EGLN1: variants seen among roughly 807,000 people sequenced by gnomAD.
EGLN1 encodes the protein egl-9 family hypoxia inducible factor 1, also known as egl nine homolog 1.
EGLN1 carries 17 observed loss-of-function variants against 38.3 expected under a neutral mutation model. The observed-to-expected ratio is 0.44, with a 90% confidence interval of 0.30 to 0.67. The LOEUF (loss-of-function observed/expected upper bound fraction) is 0.67. EGLN1 is among the 30% of genes least tolerant of loss of function. The pLI, the probability that EGLN1 is intolerant of heterozygous loss-of-function variation, is 0.08. For missense variants in EGLN1, 477 were observed against 603.3 expected, an observed-to-expected ratio of 0.79 and a Z score of 2.19; for synonymous variants, 283 against 257.5, an observed-to-expected ratio of 1.10 and a Z score of -0.95.
chr1:231,372,421 T>C (rs1461243745), intron 2 of EGLN1, among the ~76,000 whole-genome samples: 1 of 152,156 alleles, frequency 6.6e-6, no homozygotes, highest in African/African-American at 2.4e-5. Context: ...TACACATTAA[T>C]GACCCTGACT....
intron 2 of EGLN1, among the ~76,000 whole-genome samples, chr1:231,372,981 C>T (rs1398332852): frequency 6.6e-6 from 1 of 152,062 alleles, no homozygotes. Flanking sequence ...ACTATACAAG[C>T]CACTTTTCTA....
intron 1 of EGLN1, among the ~76,000 whole-genome samples, chr1:231,396,194 C>T (rs1235381546): frequency 6.6e-6 from 1 of 151,766 alleles, no homozygotes; most frequent in Non-Finnish European, 1.5e-5. Flanking sequence ...CAATACACAT[C>T]CCCACCCCCT....
rs1481687872 is a variant in EGLN1, at chr1:231,393,343, G to GT, written c.892-19245dup. On this transcript the variant is annotated intron_variant, in intron 1 of 4. Transcript: ENST00000366641. Reference sequence around the variant, plus strand: ...TCTGAGAAGCTCTATAACACGTCAGGTATCAATCAAGAGCCAGAAGCTGGT... The same window carrying GT: ...TCTGAGAAGCTCTATAACACGTCAGGTTATCAATCAAGAGCCAGAAGCTGGT... 4.6e-5 allele frequency among the ~76,000 whole-genome samples: 7 copies of GT among 152,252 alleles called. No individual in the cohort carries two copies. In the East Asian group the frequency reaches 1.3e-3, roughly 29 times the overall value.
chr1:231,383,187 T>G (rs1688116622), intron 1 of EGLN1, among the ~76,000 whole-genome samples: 1 of 152,052 alleles, frequency 6.6e-6, no homozygotes, highest in East Asian at 1.9e-4. Flanking sequence ...TTTTTGTGTG[T>G]GGCAGAACTC....
intron 1 of EGLN1, 129 bp downstream of exon 1, chr1:231,420,869 C>A: frequency 3.2e-6 from 5 of 1,571,832 alleles, no homozygotes; most frequent in South Asian, 1.1e-5. Flanking sequence ...TTACGGGGAG[C>A]TACACAAGAA....
At position 231,370,703 on chromosome 1, in the gene EGLN1, G is replaced by C. The variant is rs747452281; in HGVS notation, c.1012-5C>G. On this transcript the variant is annotated splice_region_variant and splice_polypyrimidine_tract_variant and intron_variant, in intron 2 of 4. Coordinates refer to ENST00000366641, the MANE Select transcript of EGLN1 (RefSeq NM_022051.3). Reference sequence around the variant, plus strand: ...TCGAAGTATACCTCCACTTACCTAGGAAAAGAGCCAAATATGTAAGCAGGA... The same window carrying C: ...TCGAAGTATACCTCCACTTACCTAGCAAAAGAGCCAAATATGTAAGCAGGA... 9 of 1,613,928 alleles carry C rather than the reference G, an allele frequency of 5.6e-6. No individual in the cohort carries two copies. The highest frequency in any genetic ancestry group is 6.8e-6 in the Non-Finnish European group (8 of 1,179,976).
chr1:231,372,222 G>A (rs1217896217), intron 2 of EGLN1, among the ~76,000 whole-genome samples: 1 of 152,162 alleles, frequency 6.6e-6, no homozygotes, highest in African/African-American at 2.4e-5. Flanking sequence ...ATCTGTAACT[G>A]TCAATCTTTC....
chr1:231,412,868 C>T (rs1460969537), intron 1 of EGLN1, among the ~76,000 whole-genome samples: 2 of 152,134 alleles, frequency 1.3e-5, no homozygotes, highest in Non-Finnish European at 2.9e-5. Flanking sequence ...AATTTCCTTC[C>T]AATCGCTCAA....
rs529662489 is a variant in EGLN1, at chr1:231,375,182, A to C, written c.892-1083T>G. ...GCGATTCTCCTGCCTCGGCCTCCCG[A>C]GTAGCTGGGATTACAGGTGCATGCT... On this transcript the variant is annotated intron_variant, in intron 1 of 4. Coordinates refer to ENST00000366641, the MANE Select transcript of EGLN1 (RefSeq NM_022051.3). Among the ~76,000 whole-genome samples, 4 of 152,194 alleles carry C rather than the reference A, an allele frequency of 2.6e-5. No homozygotes were observed. In the South Asian group the frequency reaches 8.3e-4, roughly 32 times the overall value.
intron 1 of EGLN1, among the ~76,000 whole-genome samples, chr1:231,388,383 A>T (rs182203297): frequency 6.6e-6 from 1 of 152,248 alleles, no homozygotes; most frequent in Non-Finnish European, 1.5e-5. Context: ...ACTAACATTA[A>T]TAGTTAGTTT....
At chr1:231,420,620 A>G (rs2102946323) in intron 1 of EGLN1, among the ~76,000 whole-genome samples, 1 of 152,318 alleles carries the variant, frequency 6.6e-6, no homozygotes, top group African/African-American at 2.4e-5. Flanking sequence ...ATGCAGAACC[A>G]GGACTTGCTT....
chr1:231,375,082 A>C (rs972486410), intron 1 of EGLN1, among the ~76,000 whole-genome samples: 25 of 152,214 alleles, frequency 1.6e-4, no homozygotes, highest in African/African-American at 6.0e-4. Flanking sequence ...GTTTTTTTAC[A>C]GAGTCTTGCT....
At chr1:231,406,425 G>A (rs1688797315) in intron 1 of EGLN1, among the ~76,000 whole-genome samples, 1 of 152,052 alleles carries the variant, frequency 6.6e-6, no homozygotes, top group South Asian at 2.1e-4. Context: ...GCCCTCCAGA[G>A]AAGACATTAT....
At chr1:231,381,677 A>AATTG (rs1257488142) in intron 1 of EGLN1, among the ~76,000 whole-genome samples, 2 of 152,212 alleles carry the variant, frequency 1.3e-5, no homozygotes, top group Non-Finnish European at 2.9e-5. Flanking sequence ...TTTAGTGAAG[A>AATTG]ATTGATAAAG....
intron 1 of EGLN1, among the ~76,000 whole-genome samples, chr1:231,378,846 G>A (rs1382440159): frequency 1.3e-5 from 2 of 152,164 alleles, no homozygotes; most frequent in African/African-American, 4.8e-5. Flanking sequence ...TACCCTGAAT[G>A]AAGGGAAAAG....
intron 1 of EGLN1, among the ~76,000 whole-genome samples, chr1:231,380,636 T>C (rs1246377703): frequency 6.6e-6 from 1 of 152,170 alleles, no homozygotes; most frequent in Non-Finnish European, 1.5e-5. Context: ...GTCTTAAAGC[T>C]TTCTGATTGC....
At chr1:231,371,668 C>A (rs1687825443) in intron 2 of EGLN1, among the ~76,000 whole-genome samples, 1 of 152,132 alleles carries the variant, frequency 6.6e-6, no homozygotes. Context: ...GCACTGGGAA[C>A]TGTGGTGGGC....
At chr1:231,386,980 C>A (rs1362116328) in intron 1 of EGLN1, among the ~76,000 whole-genome samples, 2 of 152,076 alleles carry the variant, frequency 1.3e-5, no homozygotes, top group Non-Finnish European at 2.9e-5. Flanking sequence ...CCTGCCTCAG[C>A]CTCCTGAACA....
chr1:231,371,003 T>C (rs139524572), intron 2 of EGLN1, among the ~76,000 whole-genome samples: 79 of 152,290 alleles, frequency 5.2e-4, no homozygotes, highest in African/African-American at 1.8e-3. Flanking sequence ...AATTCTCCTG[T>C]CTCAGCATCG....
Sources: allele counts gnomAD v4.1 joint callset (sites outside exome capture counted in the v4.1 genomes callset), GRCh38; gene constraint gnomAD v4.1.1; transcripts MANE v1.5; gene names NCBI Gene and HGNC (gene_info 2026-07-23, HGNC 2026-07-21).